Variants in KLF8 observed in about 807,000 individuals in gnomAD.
KLF8 encodes the protein KLF transcription factor 8.
A neutral mutation model predicts 18.2 loss-of-function variants in KLF8; 10 were observed. That is an observed-to-expected ratio of 0.55 (90% CI 0.34 to 0.93). The LOEUF is 0.93. KLF8 is among the 40% of genes least tolerant of loss of function. The probability of loss-of-function intolerance (pLI) is 0.02; values close to 1 mark genes in which losing one functional copy is unlikely to be tolerated. For missense variants in KLF8, 264 were observed against 277.9 expected (o/e 0.95, Z 0.36); for synonymous variants, 109 against 97.3 (o/e 1.12, Z -0.71).
chrX:56,233,752 G>A (rs953610601), intron 1 of KLF8, among the ~76,000 whole-genome samples: 1 of 112,136 alleles, frequency 8.9e-6, no homozygotes, highest in Non-Finnish European at 1.9e-5. Context: ...TGAAGCCATA[G>A]CGGGTACCTA....
chrX:56,248,678 G>C (rs1395865312), intron 1 of KLF8, among the ~76,000 whole-genome samples: 1 of 111,498 alleles, frequency 9.0e-6, no homozygotes, highest in African/African-American at 3.3e-5. Flanking sequence ...CTCTCCTGGC[G>C]TTTTGGTGCC....
At chrX:56,188,264 T>G in the KLF8 span, among the ~76,000 whole-genome samples, 5 of 111,301 alleles carry the variant, frequency 4.5e-5, no homozygotes, top group African/African-American at 1.6e-4. Flanking sequence ...TGAACTCCCA[T>G]TCACAATTGC....
the KLF8 span, among the ~76,000 whole-genome samples, chrX:55,940,058 G>A: frequency 3.6e-5 from 4 of 111,246 alleles, 1 homozygote; most frequent in South Asian, 1.1e-3. Flanking sequence ...CCAAAGCCTG[G>A]CAGAGACACA....
chrX:56,089,756 C>T, the KLF8 span, among the ~76,000 whole-genome samples: 1 of 111,849 alleles, frequency 8.9e-6, no homozygotes, highest in African/African-American at 3.2e-5. Context: ...GCTGGAGGCT[C>T]AGTTTGGAAA....
At chrX:56,062,768 G>A in the KLF8 span, among the ~76,000 whole-genome samples, 1 of 111,038 alleles carries the variant, frequency 9.0e-6, no homozygotes, top group Non-Finnish European at 1.9e-5. Context: ...TTTCCAACTT[G>A]GTTCCATTCT....
At chrX:56,179,890 G>T in the KLF8 span, among the ~76,000 whole-genome samples, 1 of 111,719 alleles carries the variant, frequency 9.0e-6, no homozygotes, top group Admixed American at 9.5e-5. Context: ...GATTCAGTTT[G>T]CCAGTATTTT....
the KLF8 span, among the ~76,000 whole-genome samples, chrX:56,093,905 ATGTGTGTGTG>A: frequency 2.2e-3 from 200 of 88,995 alleles, 1 homozygote; most frequent in African/African-American, 6.0e-3. Context: ...TATATATTAT[ATGTGTGTGTG>A]TGTGTGTGTG....
the KLF8 span, among the ~76,000 whole-genome samples, chrX:56,108,720 G>A: frequency 9.0e-6 from 1 of 110,713 alleles, no homozygotes; most frequent in East Asian, 2.8e-4. Flanking sequence ...TAATTTTTCT[G>A]TTCTTCTGCC....
chrX:56,068,704 C>A, the KLF8 span, among the ~76,000 whole-genome samples: 1 of 111,763 alleles, frequency 8.9e-6, no homozygotes, highest in African/African-American at 3.3e-5. Context: ...ACCCCACCCA[C>A]CCCTGCCAAT....
the KLF8 span, among the ~76,000 whole-genome samples, chrX:56,080,387 T>G: frequency 9.0e-6 from 1 of 111,322 alleles, no homozygotes; most frequent in Non-Finnish European, 1.9e-5. Context: ...GTAAAGGATT[T>G]TATTTCTCCT....
the KLF8 span, among the ~76,000 whole-genome samples, chrX:56,130,216 G>A: frequency 1.8e-5 from 2 of 111,181 alleles, no homozygotes; most frequent in Non-Finnish European, 3.8e-5. Context: ...CAAACCTTGT[G>A]CATCAAGCAA....
At chrX:56,149,824 G>A in the KLF8 span, among the ~76,000 whole-genome samples, 6 of 110,402 alleles carry the variant, frequency 5.4e-5, no homozygotes, top group East Asian at 1.4e-3. Flanking sequence ...CTTAAGAAAA[G>A]CCCCCTCCCA....
chrX:55,978,346 G>A, the KLF8 span, among the ~76,000 whole-genome samples: 2 of 111,590 alleles, frequency 1.8e-5, no homozygotes, highest in African/African-American at 3.3e-5. Context: ...ATGTTTTTCC[G>A]TCTTTTAACA....
chrX:56,066,167 A>G, the KLF8 span, among the ~76,000 whole-genome samples: 23,833 of 111,442 alleles, frequency 0.21, 5,170 homozygotes, highest in African/African-American at 0.67. Flanking sequence ...TTTCTGTGAT[A>G]TGCTGTGCAC....
the KLF8 span, among the ~76,000 whole-genome samples, chrX:55,988,515 T>C: frequency 9.0e-6 from 1 of 111,576 alleles, no homozygotes; most frequent in Non-Finnish European, 1.9e-5. Flanking sequence ...TAGTTGTAGA[T>C]ATGCGGCATT....
At chrX:56,114,024 A>T in the KLF8 span, among the ~76,000 whole-genome samples, 10 of 111,904 alleles carry the variant, frequency 8.9e-5, no homozygotes, top group African/African-American at 3.2e-4. Flanking sequence ...GCTCTGTCCC[A>T]GGGGGATCAT....
chrX:56,057,633 G>A, the KLF8 span, among the ~76,000 whole-genome samples: 1 of 111,395 alleles, frequency 9.0e-6, no homozygotes, highest in Non-Finnish European at 1.9e-5. Flanking sequence ...GAACAAGTGT[G>A]ACTAGGCTGG....
At chrX:56,006,951 C>T in the KLF8 span, among the ~76,000 whole-genome samples, 2 of 111,544 alleles carry the variant, frequency 1.8e-5, no homozygotes, top group Non-Finnish European at 3.8e-5. Flanking sequence ...GCAGGGTGGG[C>T]CTGTTCTCAG....
chrX:56,269,198 A>T (rs1329300617), intron 3 of KLF8, 180 bp from the exon 4 acceptor site: 17 of 1,035,298 alleles, frequency 1.6e-5, no homozygotes, highest in Middle Eastern at 2.7e-4. Flanking sequence ...TATGCAAAAA[A>T]AAAAAATAAA....
Sources: allele counts gnomAD v4.1 joint callset (sites outside exome capture counted in the v4.1 genomes callset), GRCh38; gene constraint gnomAD v4.1.1; transcripts MANE v1.5; gene names NCBI Gene and HGNC (gene_info 2026-07-23, HGNC 2026-07-21).